AOPEP: variants seen among roughly 807,000 people sequenced by gnomAD.
AOPEP encodes the protein aminopeptidase O.
In AOPEP, 77 loss-of-function variants were observed where a neutral mutation model predicts 98.1. The observed-to-expected ratio is 0.78, with a 90% CI of 0.65 to 0.95. The LOEUF is 0.95. AOPEP is among the 40% of genes least tolerant of loss of function. AOPEP has a pLI of 0.00. For missense variants in AOPEP, 1,024 were observed against 1,024.7 expected (o/e 1.00, Z 0.01); for synonymous variants, 346 against 365.3 (o/e 0.95, Z 0.60).
chr9:95,126,871 A>G, the AOPEP span: 1 of 400,932 alleles, frequency 2.5e-6, no homozygotes. Flanking sequence ...AGTAAGTATT[A>G]GAGAAACTTT....
intron 2 of AOPEP, among the ~76,000 whole-genome samples, chr9:94,772,360 G>A (rs1022366058): frequency 6.6e-6 from 1 of 152,198 alleles, no homozygotes; most frequent in African/African-American, 2.4e-5. Flanking sequence ...TCCTAATGCT[G>A]TGTCATTGGT....
chr9:94,793,009 G>A (rs1393477885), intron 4 of AOPEP, 91 bp downstream of exon 4: 4 of 1,362,590 alleles, frequency 2.9e-6, no homozygotes, highest in Non-Finnish European at 3.0e-6. Context: ...GGGAATGTGA[G>A]TCATTCCTGC....
intron 5 of AOPEP, among the ~76,000 whole-genome samples, chr9:94,905,397 A>T (rs2050990539): frequency 6.6e-6 from 1 of 152,220 alleles, no homozygotes; most frequent in African/African-American, 2.4e-5. Flanking sequence ...TATGGTTCAG[A>T]TTGCATTAAA....
Position 94,857,056 on chromosome 9 carries a change from G to A in AOPEP, c.1364+56054G>A, listed in dbSNP as rs73657003. On this transcript the variant is annotated intron_variant, in intron 5 of 16. Coordinates refer to ENST00000375315, the MANE Select transcript of AOPEP (RefSeq NM_001193329.3). ...TCTTTCCTGCTCTGGACATATTATT[G>A]TAAGTGAAGTACTTTAAAGTTTTTC... Among the ~76,000 whole-genome samples the A allele has an allele frequency of 2.9e-3, 444 of 152,300 alleles. 6 individuals are homozygous for A. Among genetic ancestry groups the A allele is most frequent in the African/African-American group, 0.01 (430 of 41,560 alleles).
chr9:94,872,749 T>C (rs1157070969), intron 5 of AOPEP, among the ~76,000 whole-genome samples: 1 of 152,202 alleles, frequency 6.6e-6, no homozygotes, highest in Non-Finnish European at 1.5e-5. Flanking sequence ...ATATTTCCTC[T>C]TCTCAAGTAG....
chr9:95,004,708 G>A (rs1032642071), intron 11 of AOPEP, among the ~76,000 whole-genome samples: 13 of 148,030 alleles, frequency 8.8e-5, no homozygotes, highest in African/African-American at 3.3e-4. Flanking sequence ...GCGGAGCCGG[G>A]GGAGGGGTGG....
chr9:95,039,714 T>C (rs2065126526), intron 13 of AOPEP, among the ~76,000 whole-genome samples: 1 of 150,916 alleles, frequency 6.6e-6, no homozygotes, highest in Non-Finnish European at 1.5e-5. Context: ...CTAATTTGTT[T>C]ATCCCTGCTA....
chr9:94,793,729 T>C (rs1846288818), intron 4 of AOPEP, among the ~76,000 whole-genome samples: 1 of 151,584 alleles, frequency 6.6e-6, no homozygotes, highest in South Asian at 2.1e-4. Context: ...AGAAGAGATG[T>C]GAGCCTATTA....
intron 7 of AOPEP, among the ~76,000 whole-genome samples, chr9:94,945,136 C>T (rs910761730): frequency 7.2e-5 from 11 of 152,092 alleles, no homozygotes; most frequent in African/African-American, 2.7e-4. Flanking sequence ...GATATAACAA[C>T]CCCGTGGAAT....
chr9:94,909,363 A>AAG (rs1175380785), intron 5 of AOPEP, among the ~76,000 whole-genome samples: 2 of 151,626 alleles, frequency 1.3e-5, no homozygotes, highest in Non-Finnish European at 2.9e-5. Context: ...AAAAAAAAAA[A>AAG]AAAAAAGAAT....
At chr9:95,077,663 C>G (rs1020425682) in intron 14 of AOPEP, among the ~76,000 whole-genome samples, 1 of 152,184 alleles carries the variant, frequency 6.6e-6, no homozygotes, top group Non-Finnish European at 1.5e-5. Context: ...GCTTTCTCAG[C>G]TGCGGAGGAA....
chr9:94,840,814 T>G (rs1339144156), intron 5 of AOPEP, among the ~76,000 whole-genome samples: 1 of 152,180 alleles, frequency 6.6e-6, no homozygotes, highest in Non-Finnish European at 1.5e-5. Flanking sequence ...TTTTTTTAAA[T>G]GTCTTCATGG....
At chr9:95,104,106 T>C in the AOPEP span, among the ~76,000 whole-genome samples, 1 of 152,158 alleles carries the variant, frequency 6.6e-6, no homozygotes, top group Non-Finnish European at 1.5e-5. Context: ...GACCCGGCTC[T>C]TTCCAAGGTG....
At chr9:94,791,765 C>T (rs964388096) in intron 3 of AOPEP, among the ~76,000 whole-genome samples, 1 of 152,126 alleles carries the variant, frequency 6.6e-6, no homozygotes, top group Non-Finnish European at 1.5e-5. Flanking sequence ...TACCCCTACC[C>T]TGCCTCATGA....
the AOPEP span, among the ~76,000 whole-genome samples, chr9:95,094,992 C>T: frequency 1.3e-5 from 2 of 152,250 alleles, no homozygotes; most frequent in Admixed American, 6.5e-5. Context: ...CGTTTCCTTT[C>T]TGCACTGGCT....
intron 7 of AOPEP, chr9:94,932,159 A>G: frequency 1.0e-6 from 1 of 994,634 alleles, no homozygotes; most frequent in African/African-American, 1.7e-5. Flanking sequence ...CAAACAAACA[A>G]AAAACCTGCA....
At chr9:95,032,261 T>C (rs557300735) in intron 13 of AOPEP, among the ~76,000 whole-genome samples, 1 of 152,316 alleles carries the variant, frequency 6.6e-6, no homozygotes, top group East Asian at 1.9e-4. Flanking sequence ...ATAGGCCTCT[T>C]GGCTTGAGTG....
At chr9:95,014,917 C>T (rs1050548205) in intron 13 of AOPEP, among the ~76,000 whole-genome samples, 4 of 152,168 alleles carry the variant, frequency 2.6e-5, no homozygotes, top group African/African-American at 4.8e-5. Flanking sequence ...ATAAGTCCCC[C>T]ACGTAAGAGG....
chr9:95,032,440 ACT>A (rs2064396616), intron 13 of AOPEP, among the ~76,000 whole-genome samples: 1 of 152,208 alleles, frequency 6.6e-6, no homozygotes, highest in South Asian at 2.1e-4. Context: ...TGTTAAGTAA[ACT>A]CTGCCATTCA....
Sources: gnomAD v4.1 joint callset for allele counts (sites outside exome capture counted in the v4.1 genomes callset) on GRCh38, gnomAD v4.1.1 for gene constraint, MANE v1.5 for transcripts, NCBI Gene and HGNC (gene_info 2026-07-23, HGNC 2026-07-21) for gene names.